Variants in COL5A1 observed in about 807,000 individuals in gnomAD.
COL5A1 encodes collagen alpha-1(V) chain.
A neutral mutation model predicts 263.7 loss-of-function variants in COL5A1; 16 were observed. The ratio of observed to expected loss-of-function variants is 0.06; its 90% confidence interval spans 0.04 to 0.09. The LOEUF (loss-of-function observed/expected upper bound fraction) is 0.09. Ranked by LOEUF, COL5A1 falls within the 10% of genes least tolerant of loss-of-function variation. COL5A1 has a pLI of 1.00. For synonymous variants in COL5A1, 1,012 were observed against 1,004.5 expected, an observed-to-expected ratio of 1.01 and a Z score of -0.14; for missense variants, 2,036 against 2,540.5, an observed-to-expected ratio of 0.80 and a Z score of 4.27.
intron 1 of COL5A1, among the ~76,000 whole-genome samples, chr9:134,685,137 T>TCCATCCATCCACCATC (rs1410872881): frequency 6.1e-5 from 6 of 99,024 alleles, no homozygotes; most frequent in Non-Finnish European, 6.0e-5. Flanking sequence ...CATCCATCCA[T>TCCATCCATCCACCATC]CATCCTCCCA....
At chr9:134,690,786 C>A in intron 1 of COL5A1, 126 bp from the exon 2 acceptor site, 1 of 1,172,072 alleles carries the variant, frequency 8.5e-7, no homozygotes. Flanking sequence ...GGTCCTGGGG[C>A]TCTTCTGAGT....
chr9:134,764,346 G>T (rs2132723167), intron 20 of COL5A1, among the ~76,000 whole-genome samples: 2 of 140,732 alleles, frequency 1.4e-5, no homozygotes, highest in Admixed American at 1.4e-4. Flanking sequence ...GGGGGTTCAA[G>T]GGCATTGTGG....
At chr9:134,787,001 T>TG (rs1837484657) in intron 31 of COL5A1, among the ~76,000 whole-genome samples, 1 of 152,350 alleles carries the variant, frequency 6.6e-6, no homozygotes, top group African/African-American at 2.4e-5. Context: ...TGTGTGTGGA[T>TG]GCACACCCCA....
intron 28 of COL5A1, among the ~76,000 whole-genome samples, chr9:134,780,704 ATGCC>A (rs1277570260): frequency 1.3e-5 from 2 of 152,228 alleles, no homozygotes; most frequent in African/African-American, 2.4e-5. Flanking sequence ...ACCCCCATGC[ATGCC>A]TGCCAGAGTC....
intron 9 of COL5A1, among the ~76,000 whole-genome samples, chr9:134,734,939 G>A (rs1187753135): frequency 2.0e-5 from 3 of 152,064 alleles, no homozygotes; most frequent in Non-Finnish European, 4.4e-5. Context: ...GGCCGGGTGC[G>A]GTGGCTCACA....
intron 11 of COL5A1, among the ~76,000 whole-genome samples, chr9:134,750,327 C>T (rs1340673392): frequency 6.6e-6 from 1 of 152,214 alleles, no homozygotes; most frequent in Non-Finnish European, 1.5e-5. Context: ...TCTTATCCCT[C>T]CCTCCAAAGC....
chr9:134,806,900 C>T (rs568290762), intron 42 of COL5A1, among the ~76,000 whole-genome samples: 1 of 152,328 alleles, frequency 6.6e-6, no homozygotes, highest in South Asian at 2.1e-4. Context: ...AGCCCACCTG[C>T]TGGTAAGCCC....
intron 1 of COL5A1, among the ~76,000 whole-genome samples, chr9:134,666,096 T>TA (rs977459262): frequency 1.3e-4 from 20 of 151,590 alleles, no homozygotes; most frequent in Admixed American, 1.1e-3. Flanking sequence ...CGAAATAAAA[T>TA]AAAATAAAAA....
chr9:134,818,642 C>T lies in COL5A1; in HGVS notation c.4231-14C>T. ...AGAGCTCCGGACCTCATTCTGCCCT[C>T]CGCCGTCCTGCAGGGAGAAGCCGGC... is the stretch of plus-strand genomic sequence containing the variant. On this transcript the variant is annotated splice_polypyrimidine_tract_variant and intron_variant, in intron 54 of 65. Transcript: ENST00000371817. The surrounding 1 kb of genome is among the most constrained non-coding windows in gnomAD (Gnocchi z 6.0). 1 of 1,598,242 alleles carries T rather than the reference C, an allele frequency of 6.3e-7. No homozygotes were observed. The highest frequency in any genetic ancestry group is 8.5e-7 in the Non-Finnish European group (1 of 1,171,646).
At chr9:134,666,256 T>C (rs1040476998) in intron 1 of COL5A1, among the ~76,000 whole-genome samples, 4 of 152,074 alleles carry the variant, frequency 2.6e-5, no homozygotes, top group African/African-American at 9.7e-5. Flanking sequence ...ATCCACTCAT[T>C]TTACAGGTGG....
intron 6 of COL5A1, 29 bp downstream of exon 6, chr9:134,728,836 G>T: frequency 6.2e-7 from 1 of 1,613,682 alleles, no homozygotes; most frequent in Non-Finnish European, 8.5e-7. Context: ...ACTGGGTTGG[G>T]CTGGGCCCCT....
At chr9:134,749,910 A>G (rs1268119632) in intron 11 of COL5A1, among the ~76,000 whole-genome samples, 1 of 152,262 alleles carries the variant, frequency 6.6e-6, no homozygotes, top group African/African-American at 2.4e-5. Flanking sequence ...TAGAGAATCC[A>G]GTCCTAGGTA....
intron 60 of COL5A1, 88 bp from the exon 61 acceptor site, chr9:134,823,328 T>A: frequency 6.9e-7 from 1 of 1,439,608 alleles, no homozygotes; most frequent in Non-Finnish European, 9.8e-7. Flanking sequence ...CCCACATAGG[T>A]CTCCAGGGAC....
intron 42 of COL5A1, among the ~76,000 whole-genome samples, chr9:134,808,544 T>C (rs1161524429): frequency 6.6e-6 from 1 of 152,202 alleles, no homozygotes; most frequent in Non-Finnish European, 1.5e-5. Flanking sequence ...TCCTTGTGTG[T>C]ACATGTTGGT....
chr9:134,684,652 TG>T (rs1832954927), intron 1 of COL5A1, among the ~76,000 whole-genome samples: 2 of 152,184 alleles, frequency 1.3e-5, no homozygotes, highest in South Asian at 4.1e-4. Flanking sequence ...TAGAGTGACA[TG>T]GAATGCGGTT....
chr9:134,760,573 C>G (rs111207702), intron 18 of COL5A1, among the ~76,000 whole-genome samples: 7,342 of 120,324 alleles, frequency 0.061, 1,031 homozygotes, highest in African/African-American at 0.16. Context: ...CACCCACACA[C>G]CCCCACACTC....
In COL5A1 at chr9:134,680,366, AG is replaced by A. The variant is rs540734817; in HGVS notation, c.110-10544del. Reference sequence around the variant, plus strand: ...GGCTCTGTTGACAGACAAGCTGGGCAGGTGGGCAGAGTCATTTTTACAAAGG... The same window carrying A: ...GGCTCTGTTGACAGACAAGCTGGGCAGTGGGCAGAGTCATTTTTACAAAGG... On this transcript the variant is annotated intron_variant, in intron 1 of 65. Transcript: ENST00000371817. This position sits in a 1 kb window ranked among gnomAD's most constrained non-coding sequence, Gnocchi z 5.9. 4.9e-3 allele frequency among the ~76,000 whole-genome samples: 741 copies of A among 152,294 alleles called. 7 individuals are homozygous for A. Among genetic ancestry groups the A allele is most frequent in the African/African-American group, 0.017 (701 of 41,570 alleles).
At chr9:134,732,559 C>T (rs932256027) in intron 9 of COL5A1, 6 of 285,492 alleles carry the variant, frequency 2.1e-5, no homozygotes, top group Admixed American at 4.7e-5. Context: ...TCGTACCTCT[C>T]TGCGTCTGTT....
intron 1 of COL5A1, among the ~76,000 whole-genome samples, chr9:134,663,710 G>T (rs1337705517): frequency 1.3e-5 from 2 of 152,210 alleles, no homozygotes; most frequent in East Asian, 1.9e-4. Flanking sequence ...GATGGGGAAC[G>T]CCTAGACCAT....
Sources: gnomAD v4.1 joint callset for allele counts (sites outside exome capture counted in the v4.1 genomes callset) on GRCh38, gnomAD v4.1.1 for gene constraint, Gnocchi (gnomAD v3.1) non-coding constraint, MANE v1.5 for transcripts, NCBI Gene and HGNC (gene_info 2026-07-23, HGNC 2026-07-21) for gene names.